The following CNBD1 variants were observed in gnomAD, a reference collection of about 807,000 sequenced individuals.
CNBD1 encodes cyclic nucleotide-binding domain-containing protein 1.
In CNBD1, 71 loss-of-function variants were observed where a neutral mutation model predicts 54.4. The observed-to-expected ratio is 1.30, with a 90% confidence interval of 1.08 to 1.59. The LOEUF is 1.59. Among genes scored for constraint, CNBD1 ranks in the 40% most tolerant of loss-of-function variants. The pLI, the probability that CNBD1 is intolerant of heterozygous loss-of-function variation, is 0.00. For synonymous variants in CNBD1, 182 were observed against 170.7 expected (o/e 1.07, Z -0.51); for missense variants, 659 against 518.0 (o/e 1.27, Z -2.64).
At chr8:87,276,852 A>C (rs1808490854) in intron 6 of CNBD1, among the ~76,000 whole-genome samples, 1 of 151,754 alleles carries the variant, frequency 6.6e-6, no homozygotes, top group Non-Finnish European at 1.5e-5. Context: ...AAAATAGTGA[A>C]TAGAACTTAC....
chr8:86,901,079 A>T (rs1808925374), intron 2 of CNBD1, among the ~76,000 whole-genome samples: 1 of 152,152 alleles, frequency 6.6e-6, no homozygotes, highest in Non-Finnish European at 1.5e-5. Flanking sequence ...ATAGCATGAA[A>T]CTTTGTAGTG....
At chr8:87,039,590 A>T (rs1810021929) in intron 4 of CNBD1, among the ~76,000 whole-genome samples, 1 of 152,218 alleles carries the variant, frequency 6.6e-6, no homozygotes, top group South Asian at 2.1e-4. Flanking sequence ...CAACAGGTTC[A>T]CCTTGCCAGC....
chr8:87,130,642 G>A (rs1013367223), intron 4 of CNBD1, among the ~76,000 whole-genome samples: 2 of 151,892 alleles, frequency 1.3e-5, no homozygotes, highest in African/African-American at 2.4e-5. Flanking sequence ...GCTGGGTATG[G>A]TGGTAGGCAC....
intron 4 of CNBD1, among the ~76,000 whole-genome samples, chr8:86,959,968 T>G (rs1043321669): frequency 6.6e-6 from 1 of 152,196 alleles, no homozygotes. Context: ...CTTCTCTGGT[T>G]TCTCCCCATC....
intron 10 of CNBD1, among the ~76,000 whole-genome samples, chr8:87,354,863 C>T (rs938821684): frequency 1.3e-5 from 2 of 151,492 alleles, no homozygotes; most frequent in African/African-American, 4.9e-5. Context: ...GCCGCAATAA[C>T]ATACGTATGC....
chr8:87,156,894 TG>T (rs1031084841), intron 4 of CNBD1, among the ~76,000 whole-genome samples: 2 of 152,100 alleles, frequency 1.3e-5, no homozygotes, highest in Admixed American at 6.6e-5. Context: ...TATATGCATT[TG>T]GGGGAAGAGA....
intron 10 of CNBD1, among the ~76,000 whole-genome samples, chr8:87,370,840 C>A (rs2130947708): frequency 6.6e-6 from 1 of 150,544 alleles, no homozygotes; most frequent in South Asian, 2.1e-4. Flanking sequence ...AGGTTTTCTT[C>A]TAGGGTTTTT....
chr8:87,137,445 G>A (rs968767268), intron 4 of CNBD1, among the ~76,000 whole-genome samples: 1 of 151,114 alleles, frequency 6.6e-6, no homozygotes, highest in Non-Finnish European at 1.5e-5. Flanking sequence ...TTCGTGATCC[G>A]CCCGCCTCAG....
chr8:87,219,468 G>C (rs1814280051), intron 5 of CNBD1, among the ~76,000 whole-genome samples: 1 of 151,868 alleles, frequency 6.6e-6, no homozygotes, highest in Non-Finnish European at 1.5e-5. Context: ...TATACCTTCA[G>C]CTTAACCACA....
chr8:87,321,785 TTTTTTC>T (rs148732299), intron 8 of CNBD1, among the ~76,000 whole-genome samples: 56,170 of 149,350 alleles, frequency 0.38, 10,989 homozygotes, highest in Middle Eastern at 0.44. Context: ...GTCATCAGGC[TTTTTTC>T]TTTTTCTTTT....
At chr8:87,262,586 T>A (rs1808164728) in intron 6 of CNBD1, among the ~76,000 whole-genome samples, 1 of 152,146 alleles carries the variant, frequency 6.6e-6, no homozygotes. Context: ...AAGACATATA[T>A]CTCCTGCCCT....
At chr8:86,995,053 ATGC>A (rs959864119) in intron 4 of CNBD1, among the ~76,000 whole-genome samples, 6 of 152,166 alleles carry the variant, frequency 3.9e-5, no homozygotes, top group Admixed American at 3.3e-4. Flanking sequence ...TTAGATGAGA[ATGC>A]TTTTAGAGGC....
intron 4 of CNBD1, among the ~76,000 whole-genome samples, chr8:86,954,718 A>C (rs533778232): frequency 1.3e-5 from 2 of 152,318 alleles, no homozygotes; most frequent in Admixed American, 1.3e-4. Context: ...CTGGTAAGTT[A>C]TTTTAGTTAC....
chr8:87,333,680 T>C (rs1277177084), intron 8 of CNBD1, among the ~76,000 whole-genome samples: 3 of 151,752 alleles, frequency 2.0e-5, no homozygotes, highest in Non-Finnish European at 4.4e-5. Flanking sequence ...ATTATGTTTA[T>C]TGATGTTAAA....
At chr8:87,110,974 G>A (rs967846531) in intron 4 of CNBD1, among the ~76,000 whole-genome samples, 2 of 152,104 alleles carry the variant, frequency 1.3e-5, no homozygotes, top group African/African-American at 4.8e-5. Context: ...GTTTTCAGTG[G>A]CCCATTTTCA....
chr8:87,097,368 G>A (rs947384452), intron 4 of CNBD1, among the ~76,000 whole-genome samples: 6 of 152,226 alleles, frequency 3.9e-5, no homozygotes, highest in East Asian at 1.9e-4. Context: ...ATGAGATCAC[G>A]TGTCTCCAAG....
chr8:87,368,362 A>G (rs542362878), intron 10 of CNBD1, among the ~76,000 whole-genome samples: 1 of 152,138 alleles, frequency 6.6e-6, no homozygotes, highest in African/African-American at 2.4e-5. Flanking sequence ...TAGATTGGGC[A>G]TGGCAGCTCA....
intron 4 of CNBD1, among the ~76,000 whole-genome samples, chr8:87,054,811 G>A (rs566672137): frequency 6.6e-6 from 1 of 152,262 alleles, no homozygotes; most frequent in East Asian, 1.9e-4. Context: ...CCACAAAAGG[G>A]AACTTGATTG....
At chr8:87,422,177 C>A (rs1263200028) in intron 2 of CNBD1, among the ~76,000 whole-genome samples, 2 of 145,650 alleles carry the variant, frequency 1.4e-5, no homozygotes, top group African/African-American at 5.3e-5. Flanking sequence ...GGATATTAGC[C>A]CTTTGTCAGA....
Sources: allele counts gnomAD v4.1 joint callset (sites outside exome capture counted in the v4.1 genomes callset), GRCh38; gene constraint gnomAD v4.1.1; transcripts MANE v1.5; gene names NCBI Gene and HGNC (gene_info 2026-07-23, HGNC 2026-07-21).